QRSL1: variants seen among roughly 807,000 people sequenced by gnomAD.
QRSL1 encodes glutamyl-tRNA(Gln) amidotransferase subunit A, mitochondrial.
A neutral mutation model predicts 61.6 loss-of-function variants in QRSL1; 54 were observed. That is an observed-to-expected ratio of 0.88 (90% CI 0.70 to 1.10). The LOEUF (loss-of-function observed/expected upper bound fraction) is 1.10, where lower values mean the gene tolerates loss of function less well. Among genes scored for constraint, QRSL1 ranks in the 50% least tolerant of loss-of-function variants. QRSL1 has a pLI of 0.00. For missense variants in QRSL1, 505 were observed against 622.6 expected (o/e 0.81, Z 2.01); for synonymous variants, 228 against 225.7 (o/e 1.01, Z -0.09).
chr6:106,647,428 T>C (rs962573507), intron 4 of QRSL1, among the ~76,000 whole-genome samples: 1 of 151,380 alleles, frequency 6.6e-6, no homozygotes, highest in African/African-American at 2.4e-5. Flanking sequence ...TGGATGCCTG[T>C]AGTCCCAGCT....
chr6:106,638,036 A>C (rs1428375645), intron 1 of QRSL1, among the ~76,000 whole-genome samples: 1 of 152,248 alleles, frequency 6.6e-6, no homozygotes, highest in African/African-American at 2.4e-5. Context: ...GTCTGGAAGC[A>C]GCTTGAGGAT....
chr6:106,660,841 A>G (rs943600757), intron 9 of QRSL1, among the ~76,000 whole-genome samples: 2 of 152,178 alleles, frequency 1.3e-5, no homozygotes, highest in Non-Finnish European at 2.9e-5. Context: ...AAGGGAAAGC[A>G]CATGGGGGGC....
chr6:106,639,031 A>C (rs1776966819), intron 1 of QRSL1, among the ~76,000 whole-genome samples: 1 of 151,830 alleles, frequency 6.6e-6, no homozygotes, highest in Non-Finnish European at 1.5e-5. Flanking sequence ...CTTTGGGCAA[A>C]TCACTCAAGG....
At chr6:106,656,780 C>T (rs1777278186) in intron 9 of QRSL1, among the ~76,000 whole-genome samples, 1 of 152,196 alleles carries the variant, frequency 6.6e-6, no homozygotes, top group Non-Finnish European at 1.5e-5. Flanking sequence ...CCTCAGCCTC[C>T]CTAGTAGCTG....
intron 4 of QRSL1, among the ~76,000 whole-genome samples, chr6:106,645,117 A>G (rs1359542664): frequency 6.6e-6 from 1 of 152,196 alleles, no homozygotes; most frequent in Non-Finnish European, 1.5e-5. Context: ...CTTGATTATT[A>G]TAGCTTTATA....
chr6:106,649,110 C>A lies in QRSL1; in HGVS notation c.466C>A (p.Pro156Thr), dbSNP rs1299474409. The change falls in exon 5 of 11, where the codon CCC (proline) becomes ACC (threonine). Residue 156 changes from proline (P) to threonine (T), a missense_variant. By Grantham distance (38) the Pro-to-Thr change is conservative. Transcript: ENST00000369046. ...KQYREKRKQNPHSENEDSDWL... is the reference protein window; with the variant it reads ...KQYREKRKQNTHSENEDSDWL... The stretch of plus-strand genomic sequence containing the variant: ...ATATAGAGAAAAGAGGAAGCAGAAT[C>A]CCCACAGCGAGAATGAAGATTCAGA... The A allele has an allele frequency of 1.2e-6, 2 of 1,614,164 alleles. No individual in the cohort carries two copies. Among genetic ancestry groups the A allele is most frequent in the Non-Finnish European group, 1.7e-6 (2 of 1,180,006 alleles).
Position 106,643,036 on chromosome 6 carries a change from T to A in QRSL1, c.326T>A (p.Leu109Ter), listed in dbSNP as rs764260134. The A allele has an allele frequency of 1.5e-5, 25 of 1,613,422 alleles. No individual in the cohort carries two copies. Among genetic ancestry groups the A allele is most frequent in the Non-Finnish European group, 2.1e-5 (25 of 1,179,698 alleles). Residue 109 changes from leucine (L) to a stop codon, truncating the protein, a stop_gained, in exon 4 of 11, where the codon TTG (leucine) becomes TAG (stop). Coordinates refer to ENST00000369046, the MANE Select transcript of QRSL1 (RefSeq NM_018292.5). LOFTEE classifies it high-confidence loss of function. ...AATGCTACAGTAGTTCAGAAGTTGTTGGATCAGGGAGCTCTACTAATGGGA... is the reference window on the plus strand; with the variant it reads ...AATGCTACAGTAGTTCAGAAGTTGTAGGATCAGGGAGCTCTACTAATGGGA... The part of the protein sequence containing the change: ...PYNATVVQKL[L>*]DQGALLMGKT...
At position 106,663,193 on chromosome 6, in the gene QRSL1, T is replaced by C; in HGVS notation, c.1366+8T>C. The C allele has an allele frequency of 6.2e-7, 1 of 1,611,934 alleles. No individual in the cohort carries two copies. Among genetic ancestry groups the C allele is most frequent in the East Asian group, 2.2e-5 (1 of 44,862 alleles). ...AAGCTGTAAATATGGCAGGTGAGGA[T>C]TCCTCAGGAACATTCTGATTTTCTT... On this transcript the variant is annotated splice_region_variant and intron_variant, in intron 10 of 10. Transcript: ENST00000369046.
chr6:106,654,667 G>C (rs746475821), intron 7 of QRSL1, 63 bp from the exon 8 acceptor site: 116 of 1,393,810 alleles, frequency 8.3e-5, no homozygotes, highest in Non-Finnish European at 9.6e-5. Flanking sequence ...TACAGATGAA[G>C]TACAAATTTT....
chr6:106,633,839 G>T (rs1040963521), intron 1 of QRSL1, among the ~76,000 whole-genome samples: 2 of 152,042 alleles, frequency 1.3e-5, no homozygotes, highest in African/African-American at 4.8e-5. Flanking sequence ...CTAACATTTA[G>T]TGAGTACCTC....
Position 106,655,616 on chromosome 6 carries a change from T to G in QRSL1, c.1044T>G (p.Gly348=), listed in dbSNP as rs774267249. The change falls in exon 9 of 11, where the codon GGT becomes GGG. Residue 348 remains glycine, a splice_region_variant and synonymous_variant. Transcript: ENST00000369046. The stretch of plus-strand genomic sequence containing the variant: ...TGTTTACCCTTTTCTTGTTTTCAGG[T>G]CACAGATGTGACATTGATGTGTCCA... The part of the protein sequence containing the change: ...NMARFDGLQY[G]HRCDIDVSTE... The G allele has an allele frequency of 6.2e-6, 10 of 1,602,182 alleles. No homozygotes were observed. Among genetic ancestry groups the G allele is most frequent in the Non-Finnish European group, 8.5e-6 (10 of 1,170,676 alleles).
At chr6:106,644,442 A>G (rs776199473) in intron 4 of QRSL1, among the ~76,000 whole-genome samples, 1 of 152,104 alleles carries the variant, frequency 6.6e-6, no homozygotes, top group Non-Finnish European at 1.5e-5. Flanking sequence ...GCAAGCACAC[A>G]TCACCTCACC....
intron 4 of QRSL1, among the ~76,000 whole-genome samples, chr6:106,643,404 C>T (rs1159651356): frequency 1.3e-5 from 2 of 152,054 alleles, no homozygotes; most frequent in African/African-American, 4.8e-5. Context: ...TTGTAAGAAT[C>T]CTTTCTGGCT....
At chr6:106,643,865 T>G (rs192463779) in intron 4 of QRSL1, among the ~76,000 whole-genome samples, 163 of 151,888 alleles carry the variant, frequency 1.1e-3, no homozygotes, top group African/African-American at 3.7e-3. Context: ...CTTTTTTCTC[T>G]TCTTTTCATT....
At chr6:106,652,162 A>G in intron 5 of QRSL1, 47 bp from the exon 6 acceptor site, 1 of 1,511,770 alleles carries the variant, frequency 6.6e-7, no homozygotes, top group Non-Finnish European at 9.0e-7. Flanking sequence ...TCCAAATATA[A>G]TTAGAGATAT....
At chr6:106,636,289 G>A (rs1377691708) in intron 1 of QRSL1, among the ~76,000 whole-genome samples, 2 of 151,046 alleles carry the variant, frequency 1.3e-5, no homozygotes, top group Non-Finnish European at 2.9e-5. Flanking sequence ...GAAACAAGAT[G>A]AGTCCTCGGT....
chr6:106,662,489 CTT>C (rs34380610), intron 9 of QRSL1, among the ~76,000 whole-genome samples: 386 of 143,278 alleles, frequency 2.7e-3, no homozygotes, highest in Admixed American at 3.8e-3. Flanking sequence ...TCCAGTGGTT[CTT>C]TTTTTTTTTT....
intron 1 of QRSL1, among the ~76,000 whole-genome samples, chr6:106,630,099 A>G (rs1030455924): frequency 1.3e-5 from 2 of 152,172 alleles, no homozygotes; most frequent in African/African-American, 4.8e-5. Context: ...GTAGTTTGCA[A>G]AATTCAAATG....
At chr6:106,651,993 C>G (rs1777193553) in intron 5 of QRSL1, among the ~76,000 whole-genome samples, 1 of 152,126 alleles carries the variant, frequency 6.6e-6, no homozygotes, top group Non-Finnish European at 1.5e-5. Flanking sequence ...AAGACTTGAA[C>G]TTAATATGCC....
Sources: allele counts gnomAD v4.1 joint callset (sites outside exome capture counted in the v4.1 genomes callset), GRCh38; gene constraint gnomAD v4.1.1; transcripts MANE v1.5; gene names NCBI Gene and HGNC (gene_info 2026-07-23, HGNC 2026-07-21).